RALGPS2: variants seen among roughly 807,000 people sequenced by gnomAD.
The protein encoded by RALGPS2 is Ral GEF with PH domain and SH3 binding motif 2, also known as ras-specific guanine nucleotide-releasing factor RalGPS2.
A neutral mutation model predicts 86.8 loss-of-function variants in RALGPS2; 43 were observed. The observed-to-expected ratio is 0.50, with a 90% CI of 0.39 to 0.64. The LOEUF is 0.64. Among genes scored for constraint, RALGPS2 ranks in the 30% least tolerant of loss-of-function variants. RALGPS2 has a pLI of 0.00. For synonymous variants in RALGPS2, 243 were observed against 231.3 expected, an observed-to-expected ratio of 1.05 and a Z score of -0.46; for missense variants, 536 against 694.6, an observed-to-expected ratio of 0.77 and a Z score of 2.57.
chr1:178,813,269 T>G (rs1655076808), intron 6 of RALGPS2, among the ~76,000 whole-genome samples: 1 of 152,176 alleles, frequency 6.6e-6, no homozygotes, highest in Non-Finnish European at 1.5e-5. Context: ...TAATGATTCT[T>G]CATGGATTCT....
At chr1:178,869,457 A>G (rs1292423714) in intron 8 of RALGPS2, among the ~76,000 whole-genome samples, 1 of 152,118 alleles carries the variant, frequency 6.6e-6, no homozygotes, top group African/African-American at 2.4e-5. Flanking sequence ...ATAAATAGTT[A>G]TCTGTGTAAT....
Position 178,790,186 on chromosome 1 carries a change from G to A in RALGPS2, c.213+4579G>A, listed in dbSNP as rs1329055469. On this transcript the variant is annotated intron_variant, in intron 4 of 19. Transcript: ENST00000367635. ...AGGCTGGTCTCAAACTCCAAGGCTC[G>A]AGTGATCCTTCTGCCTTGGCCTGCC... 6.6e-5 allele frequency among the ~76,000 whole-genome samples: 10 copies of A among 152,052 alleles called. No homozygotes were observed. The East Asian group carries it at 9.7e-4, about 15-fold the overall frequency.
At chr1:178,729,348 GTAA>G in intron 1 of RALGPS2, among the ~76,000 whole-genome samples, 2 of 152,032 alleles carry the variant, frequency 1.3e-5, no homozygotes, top group East Asian at 3.8e-4. Flanking sequence ...CTCTCTGATT[GTAA>G]GCTTCATGAG....
intron 8 of RALGPS2, among the ~76,000 whole-genome samples, chr1:178,846,727 G>A (rs1252936695): frequency 6.6e-6 from 1 of 152,146 alleles, no homozygotes; most frequent in Non-Finnish European, 1.5e-5. Flanking sequence ...CATGCTAATT[G>A]TAAACAGAAT....
intron 1 of RALGPS2, among the ~76,000 whole-genome samples, chr1:178,758,980 T>G (rs777578386): frequency 6.6e-6 from 1 of 152,174 alleles, no homozygotes; most frequent in Non-Finnish European, 1.5e-5. Context: ...TATTAATCCC[T>G]TCTCAGATGG....
At chr1:178,823,903 A>G (rs955106956) in intron 7 of RALGPS2, among the ~76,000 whole-genome samples, 3 of 152,186 alleles carry the variant, frequency 2.0e-5, no homozygotes, top group Non-Finnish European at 2.9e-5. Flanking sequence ...ATAATCATCA[A>G]TGTAAACTAT....
intron 8 of RALGPS2, among the ~76,000 whole-genome samples, chr1:178,857,403 G>A (rs1436079274): frequency 1.3e-5 from 2 of 152,236 alleles, no homozygotes; most frequent in East Asian, 3.9e-4. Context: ...ACTGTTTTAG[G>A]CTCAAGGGAT....
At chr1:178,915,804 G>A (rs1007568420) in intron 19 of RALGPS2, among the ~76,000 whole-genome samples, 4 of 152,154 alleles carry the variant, frequency 2.6e-5, no homozygotes, top group African/African-American at 9.7e-5. Flanking sequence ...TTGAGGATTT[G>A]TTTTAACATA....
chr1:178,751,256 C>G (rs983685203), intron 1 of RALGPS2, among the ~76,000 whole-genome samples: 17 of 152,040 alleles, frequency 1.1e-4, no homozygotes, highest in Non-Finnish European at 2.5e-4. Context: ...GCCAGGATTG[C>G]CCTTACCATA....
intron 1 of RALGPS2, among the ~76,000 whole-genome samples, chr1:178,730,353 A>G (rs1650266264): frequency 6.6e-6 from 1 of 152,020 alleles, no homozygotes; most frequent in Non-Finnish European, 1.5e-5. Flanking sequence ...TTTCTTTCCC[A>G]TGTCTTCCCA....
chr1:178,809,908 A>C (rs2102198100), intron 5 of RALGPS2, among the ~76,000 whole-genome samples: 1 of 152,218 alleles, frequency 6.6e-6, no homozygotes, highest in African/African-American at 2.4e-5. Context: ...TATACGTCCT[A>C]ACTTTTGATA....
intron 6 of RALGPS2, among the ~76,000 whole-genome samples, chr1:178,818,905 T>C (rs538415185): frequency 1.3e-5 from 2 of 152,348 alleles, no homozygotes; most frequent in South Asian, 4.1e-4. Context: ...CTTGCCATTA[T>C]GGCTTTAACA....
intron 8 of RALGPS2, among the ~76,000 whole-genome samples, chr1:178,842,760 A>G (rs1462244565): frequency 6.7e-6 from 1 of 150,030 alleles, no homozygotes; most frequent in African/African-American, 2.4e-5. Flanking sequence ...TCATCTGACA[A>G]AGGGCTAATA....
intron 13 of RALGPS2, among the ~76,000 whole-genome samples, chr1:178,889,186 G>A (rs1572453857): frequency 6.6e-6 from 1 of 152,012 alleles, no homozygotes; most frequent in East Asian, 1.9e-4. Flanking sequence ...TTTGTCTCTA[G>A]AGACAAATAA....
At chr1:178,886,485 A>G (rs1659489201) in intron 13 of RALGPS2, among the ~76,000 whole-genome samples, 1 of 152,238 alleles carries the variant, frequency 6.6e-6, no homozygotes, top group African/African-American at 2.4e-5. Flanking sequence ...TAGAGAAGAC[A>G]GAGTAATAAT....
intron 16 of RALGPS2, among the ~76,000 whole-genome samples, chr1:178,894,877 C>G (rs1315527765): frequency 6.6e-6 from 1 of 151,484 alleles, no homozygotes; most frequent in Non-Finnish European, 1.5e-5. Context: ...CTTAGAGAAC[C>G]CTGAAAGTAT....
At chr1:178,739,270 G>A (rs1296448912) in intron 1 of RALGPS2, among the ~76,000 whole-genome samples, 1 of 152,138 alleles carries the variant, frequency 6.6e-6, no homozygotes, top group African/African-American at 2.4e-5. Flanking sequence ...ATTTTTAAAT[G>A]TTTTCTTGTA....
At chr1:178,897,106 C>G (rs1180624420) in intron 16 of RALGPS2, among the ~76,000 whole-genome samples, 1 of 151,880 alleles carries the variant, frequency 6.6e-6, no homozygotes, top group Non-Finnish European at 1.5e-5. Flanking sequence ...AACAAACAAC[C>G]CCATCAAAAA....
chr1:178,887,011 CAG>C (rs1316220468), intron 13 of RALGPS2, among the ~76,000 whole-genome samples: 2 of 152,130 alleles, frequency 1.3e-5, no homozygotes, highest in Admixed American at 1.3e-4. Context: ...GGTGAGGAAA[CAG>C]AGATAGCTAC....
Sources: allele counts gnomAD v4.1 joint callset (sites outside exome capture counted in the v4.1 genomes callset), GRCh38; gene constraint gnomAD v4.1.1; transcripts MANE v1.5; gene names NCBI Gene and HGNC (gene_info 2026-07-23, HGNC 2026-07-21).